The following FOXP2 variants were observed in gnomAD, a reference collection of about 807,000 sequenced individuals.
FOXP2 encodes forkhead box protein P2.
Under a neutral mutation model 115.8 loss-of-function variants are expected in FOXP2, and 12 were observed. That is an observed-to-expected ratio of 0.10 (90% confidence interval 0.07 to 0.17). The LOEUF is 0.17. Ranked by LOEUF, FOXP2 falls within the 10% of genes least tolerant of loss-of-function variation. The pLI is 1.00. For missense variants in FOXP2, 629 were observed against 843.5 expected (o/e 0.75, Z 3.15); for synonymous variants, 328 against 297.7 (o/e 1.10, Z -1.05).
At chr7:114,458,595 T>G (rs1795426151) in intron 2 of FOXP2, among the ~76,000 whole-genome samples, 1 of 146,060 alleles carries the variant, frequency 6.8e-6, no homozygotes, top group South Asian at 2.2e-4. Context: ...TGGCCCAGGC[T>G]GGAGTGCAGT....
At chr7:114,344,895 G>C (rs1791306636) in intron 2 of FOXP2, among the ~76,000 whole-genome samples, 2 of 151,468 alleles carry the variant, frequency 1.3e-5, no homozygotes, top group Admixed American at 6.6e-5. Context: ...ACAAATTAAA[G>C]CTCACATGCT....
At chr7:114,307,574 A>T (rs1797045541) in intron 2 of FOXP2, among the ~76,000 whole-genome samples, 1 of 152,172 alleles carries the variant, frequency 6.6e-6, no homozygotes, top group Non-Finnish European at 1.5e-5. Flanking sequence ...TCTCTTCAAG[A>T]TGCATTACCA....
At chr7:114,264,360 C>G (rs918427966) in intron 1 of FOXP2, among the ~76,000 whole-genome samples, 2 of 152,064 alleles carry the variant, frequency 1.3e-5, no homozygotes, top group Non-Finnish European at 2.9e-5. Flanking sequence ...TAAAGGTGAC[C>G]TGAGACCAAA....
At chr7:114,685,877 T>A (rs140595860) in intron 16 of FOXP2, among the ~76,000 whole-genome samples, 171 of 152,178 alleles carry the variant, frequency 1.1e-3, no homozygotes, top group Non-Finnish European at 2.0e-3. Flanking sequence ...AAAGATGAGC[T>A]GCTAAAGCAA....
intron 16 of FOXP2, among the ~76,000 whole-genome samples, chr7:114,688,901 A>T (rs1808510248): frequency 6.6e-6 from 1 of 152,182 alleles, no homozygotes; most frequent in Admixed American, 6.6e-5. Flanking sequence ...CCAGCCCTGC[A>T]TATTAATGAG....
rs770632360 is a variant in FOXP2 at position 114,426,484 on chromosome 7, C to T, written c.-10-18C>T. On this transcript the variant is annotated intron_variant, in intron 1 of 16. Coordinates refer to ENST00000350908, the MANE Select transcript of FOXP2 (RefSeq NM_014491.4). ...AAGGTGTAACGTGTGTTAATTGATACTTCTTAATCACTTTTAGGTATTAAG... is the reference window on the plus strand; with the variant it reads ...AAGGTGTAACGTGTGTTAATTGATATTTCTTAATCACTTTTAGGTATTAAG... 1.9e-6 allele frequency: 3 copies of T among 1,608,092 alleles called. No individual in the cohort carries two copies. Among genetic ancestry groups the T allele is most frequent in the Non-Finnish European group, 1.7e-6 (2 of 1,175,734 alleles).
At chr7:114,604,883 T>C (rs1316373651) in intron 3 of FOXP2, among the ~76,000 whole-genome samples, 2 of 152,188 alleles carry the variant, frequency 1.3e-5, no homozygotes, top group Non-Finnish European at 2.9e-5. Context: ...ACCTTGGATT[T>C]GGAATAATAA....
chr7:114,454,940 A>G (rs1245454903), intron 2 of FOXP2, among the ~76,000 whole-genome samples: 4 of 144,292 alleles, frequency 2.8e-5, no homozygotes, highest in East Asian at 2.1e-4. Context: ...TAGTGGGTGC[A>G]GCGCACCAGC....
At chr7:114,294,890 A>G (rs541051754) in intron 2 of FOXP2, among the ~76,000 whole-genome samples, 1,698 of 151,678 alleles carry the variant, frequency 0.011, 15 homozygotes, top group African/African-American at 0.017. Context: ...ATACATACAT[A>G]CATACATGCA....
chr7:114,442,108 T>C (rs373585669), intron 2 of FOXP2, among the ~76,000 whole-genome samples: 23 of 152,266 alleles, frequency 1.5e-4, no homozygotes, highest in African/African-American at 4.6e-4. Context: ...AAATGTACAT[T>C]AATTGGTGAA....
At chr7:114,421,355 T>G (rs968420932) in intron 1 of FOXP2, among the ~76,000 whole-genome samples, 3 of 151,676 alleles carry the variant, frequency 2.0e-5, no homozygotes, top group Non-Finnish European at 4.4e-5. Flanking sequence ...TTACTTATGT[T>G]TCCTAGATTT....
At chr7:114,309,329 A>G (rs907553061) in intron 2 of FOXP2, among the ~76,000 whole-genome samples, 1 of 152,184 alleles carries the variant, frequency 6.6e-6, no homozygotes, top group African/African-American at 2.4e-5. Flanking sequence ...TCAGTTTTTG[A>G]CAATCACCGT....
chr7:114,619,494 A>G (rs1804120904), intron 3 of FOXP2, among the ~76,000 whole-genome samples: 1 of 152,116 alleles, frequency 6.6e-6, no homozygotes, highest in Non-Finnish European at 1.5e-5. Flanking sequence ...ATTAGGTACA[A>G]TATAAAAGAG....
In FOXP2 at chr7:114,312,557, A is replaced by T. The variant is rs138575890; in HGVS notation, c.-11+24448A>T. 4.5e-3 allele frequency among the ~76,000 whole-genome samples: 681 copies of T among 152,214 alleles called. 3 individuals carry two copies. The highest frequency in any genetic ancestry group is 0.016 in the African/African-American group (654 of 41,542). On this transcript the variant is annotated intron_variant, in intron 2 of 17. Coordinates refer to the FOXP2 transcript ENST00000634411. ...TTCTCAAACCTGTTGGGTTTAGGGT[A>T]TGAGTTTACCTAATAGTCTAGCAAT...
intron 3 of FOXP2, among the ~76,000 whole-genome samples, chr7:114,572,191 C>T (rs1210864398): frequency 1.3e-5 from 2 of 151,080 alleles, no homozygotes; most frequent in Admixed American, 6.6e-5. Context: ...ACAAAATAAA[C>T]TCAAAAGTGG....
At chr7:114,396,048 A>G (rs916715324) in intron 2 of FOXP2, among the ~76,000 whole-genome samples, 19 of 152,058 alleles carry the variant, frequency 1.2e-4, no homozygotes, top group Non-Finnish European at 5.9e-5. Context: ...TTTAAAGTGT[A>G]CAATTAAATT....
chr7:114,367,387 A>C (rs544013750), intron 2 of FOXP2, among the ~76,000 whole-genome samples: 4 of 152,188 alleles, frequency 2.6e-5, no homozygotes, highest in Non-Finnish European at 4.4e-5. Context: ...ACTTCCAAAA[A>C]GCCCAGCTTT....
At chr7:114,109,033 T>C (rs1425750724) in intron 1 of FOXP2, among the ~76,000 whole-genome samples, 5 of 151,986 alleles carry the variant, frequency 3.3e-5, no homozygotes, top group Admixed American at 3.3e-4. Flanking sequence ...GGTGATTTTT[T>C]TGAAGAAATA....
chr7:114,488,652 C>A (rs1796901698), intron 2 of FOXP2, among the ~76,000 whole-genome samples: 1 of 151,862 alleles, frequency 6.6e-6, no homozygotes, highest in South Asian at 2.1e-4. Flanking sequence ...TAAAAATGAA[C>A]AAAAAACTTT....
Sources: gnomAD v4.1 joint callset for allele counts (sites outside exome capture counted in the v4.1 genomes callset) on GRCh38, gnomAD v4.1.1 for gene constraint, MANE v1.5 for transcripts, NCBI Gene and HGNC (gene_info 2026-07-23, HGNC 2026-07-21) for gene names.